Variants in COL19A1 observed in about 807,000 individuals in gnomAD.
COL19A1 encodes collagen alpha-1(XIX) chain.
Under a neutral mutation model 190.2 loss-of-function variants are expected in COL19A1, and 159 were observed. The observed-to-expected ratio is 0.84, with a 90% confidence interval of 0.73 to 0.95. The LOEUF is 0.95. Ranked by LOEUF, COL19A1 falls within the 40% of genes least tolerant of loss-of-function variation. The pLI, the probability that COL19A1 is intolerant of heterozygous loss-of-function variation, is 0.00. For missense variants in COL19A1, 1,418 were observed against 1,431.9 expected (o/e 0.99, Z 0.16); for synonymous variants, 509 against 458.9 (o/e 1.11, Z -1.39).
intron 18 of COL19A1, among the ~76,000 whole-genome samples, chr6:70,136,397 G>A (rs1421443501): frequency 6.6e-6 from 1 of 152,120 alleles, no homozygotes; most frequent in East Asian, 1.9e-4. Flanking sequence ...AGTGCCCATC[G>A]GTGGGGCTGA....
Position 70,156,115 on chromosome 6 carries a change from T to C in COL19A1, c.2080-12T>C. 6.2e-7 allele frequency: 1 copy of C among 1,611,312 alleles called. No homozygotes were observed. The highest frequency in any genetic ancestry group is 8.5e-7 in the Non-Finnish European group (1 of 1,178,518). On this transcript the variant is annotated splice_polypyrimidine_tract_variant and intron_variant, in intron 31 of 50. Transcript: ENST00000620364. ...ATGACTCCCTCAGTAACCTTATCTT[T>C]ATACTCATTAGAATTTCTGTGGCAA...
chr6:69,940,645 T>C (rs1471833944), intron 9 of COL19A1, among the ~76,000 whole-genome samples: 1 of 152,160 alleles, frequency 6.6e-6, no homozygotes, highest in Non-Finnish European at 1.5e-5. Context: ...TGGCAAGAGA[T>C]TTTAGTGGCA....
At chr6:70,114,388 A>AGC (rs1472792972) in intron 16 of COL19A1, among the ~76,000 whole-genome samples, 1 of 152,174 alleles carries the variant, frequency 6.6e-6, no homozygotes, top group Non-Finnish European at 1.5e-5. Flanking sequence ...GTTGAAACCT[A>AGC]GCTCTTGTCT....
At chr6:69,878,631 T>A (rs980126560) in intron 1 of COL19A1, among the ~76,000 whole-genome samples, 15 of 152,176 alleles carry the variant, frequency 9.9e-5, no homozygotes, top group African/African-American at 3.1e-4. Flanking sequence ...AAAACAGTAG[T>A]CTGGTTTCTC....
chr6:69,926,742 AG>A (rs1772423624), intron 4 of COL19A1, among the ~76,000 whole-genome samples: 2 of 152,166 alleles, frequency 1.3e-5, no homozygotes, highest in Admixed American at 1.3e-4. Context: ...ATTTGGTAAA[AG>A]GTATTAACTT....
At chr6:69,922,770 C>T (rs1278205282) in intron 4 of COL19A1, among the ~76,000 whole-genome samples, 3 of 152,106 alleles carry the variant, frequency 2.0e-5, no homozygotes, top group Non-Finnish European at 2.9e-5. Context: ...TGTGAGCCAC[C>T]ACACCCGACC....
chr6:70,198,010 G>A (rs779731378), intron 48 of COL19A1, among the ~76,000 whole-genome samples: 1 of 152,034 alleles, frequency 6.6e-6, no homozygotes, highest in Non-Finnish European at 1.5e-5. Context: ...AAAACTCATG[G>A]GAAAACAGAT....
chr6:70,044,229 G>A (rs185805590), intron 14 of COL19A1, among the ~76,000 whole-genome samples: 1 of 152,298 alleles, frequency 6.6e-6, no homozygotes, highest in East Asian at 1.9e-4. Flanking sequence ...GTGGTTTAAG[G>A]GAATTTGTGG....
In COL19A1 at chr6:69,960,012, A is replaced by C; in HGVS notation, c.953A>C (p.His318Pro). 6 of 1,613,766 alleles carry C rather than the reference A, an allele frequency of 3.7e-6. No homozygotes were observed. The African/African-American group carries it at 8.0e-5, about 22-fold the overall frequency. Reference protein sequence around the residue: ...HKGEPGENGLHGAPGFPGQKG... With the variant: ...HKGEPGENGLPGAPGFPGQKG... The stretch of plus-strand genomic sequence containing the variant: ...TTCTTTTAGGGTGAAAATGGTTTAC[A>C]TGGTGCTCCAGGATTCCCTGGTCAA... Residue 318 changes from histidine (H) to proline (P), a missense_variant, in exon 10 of 51, where the codon CAT (histidine) becomes CCT (proline). By Grantham distance (77) the His-to-Pro change is moderately conservative (BLOSUM62 -2). Coordinates refer to ENST00000620364, the MANE Select transcript of COL19A1 (RefSeq NM_001858.6).
intron 4 of COL19A1, among the ~76,000 whole-genome samples, chr6:69,902,097 G>T (rs149247385): frequency 1.4e-3 from 212 of 152,266 alleles, no homozygotes; most frequent in Non-Finnish European, 2.4e-3. Flanking sequence ...ATAGGAAACC[G>T]GGGGTATCTG....
intron 1 of COL19A1, among the ~76,000 whole-genome samples, chr6:69,878,777 C>T (rs1768306177): frequency 1.3e-5 from 2 of 152,076 alleles, no homozygotes; most frequent in Admixed American, 1.3e-4. Flanking sequence ...GTAGTATTCA[C>T]AATAGCCAAA....
intron 4 of COL19A1, among the ~76,000 whole-genome samples, chr6:69,918,254 G>A (rs894769804): frequency 6.6e-6 from 1 of 152,310 alleles, no homozygotes; most frequent in East Asian, 1.9e-4. Context: ...TAGCTGCTAT[G>A]TGCAGGCCAG....
intron 11 of COL19A1, among the ~76,000 whole-genome samples, chr6:69,982,591 G>A (rs1030125377): frequency 6.6e-6 from 1 of 151,834 alleles, no homozygotes; most frequent in African/African-American, 2.4e-5. Flanking sequence ...TGTTTATAGT[G>A]AGTATTTAGT....
chr6:70,095,023 A>T (rs1169608280), intron 15 of COL19A1, among the ~76,000 whole-genome samples: 2 of 152,226 alleles, frequency 1.3e-5, no homozygotes, highest in Admixed American at 1.3e-4. Context: ...TCCAAGCAAC[A>T]GAACATCATC....
At chr6:70,040,396 T>C (rs548836058) in intron 14 of COL19A1, among the ~76,000 whole-genome samples, 1 of 152,288 alleles carries the variant, frequency 6.6e-6, no homozygotes, top group East Asian at 1.9e-4. Context: ...TCAGCTACAA[T>C]AGCTTTTACC....
chr6:69,974,806 CTTTTT>C (rs35518948), intron 11 of COL19A1, among the ~76,000 whole-genome samples: 1 of 93,046 alleles, frequency 1.1e-5, no homozygotes, highest in Non-Finnish European at 2.0e-5. Flanking sequence ...AGACAGCTTC[CTTTTT>C]TTTTTTTTTT....
At chr6:70,040,568 A>G (rs1779587723) in intron 14 of COL19A1, among the ~76,000 whole-genome samples, 1 of 152,222 alleles carries the variant, frequency 6.6e-6, no homozygotes, top group African/African-American at 2.4e-5. Flanking sequence ...TTATTATTTC[A>G]GGAAATGGGA....
chr6:70,009,898 A>G (rs1230347552), intron 11 of COL19A1, among the ~76,000 whole-genome samples: 1 of 152,204 alleles, frequency 6.6e-6, no homozygotes, highest in Non-Finnish European at 1.5e-5. Flanking sequence ...AGAAAAAGAA[A>G]GACAAGAACT....
intron 15 of COL19A1, among the ~76,000 whole-genome samples, chr6:70,082,220 A>T (rs952684635): frequency 6.6e-6 from 1 of 150,830 alleles, no homozygotes; most frequent in Non-Finnish European, 1.5e-5. Flanking sequence ...TTAACTGACT[A>T]CTGATGAAGA....
Sources: allele counts gnomAD v4.1 joint callset (sites outside exome capture counted in the v4.1 genomes callset), GRCh38; gene constraint gnomAD v4.1.1; transcripts MANE v1.5; gene names NCBI Gene and HGNC (gene_info 2026-07-23, HGNC 2026-07-21).